The following STXBP5L variants were observed in gnomAD, a reference collection of about 807,000 sequenced individuals.
The protein encoded by STXBP5L is syntaxin binding protein 5L.
STXBP5L carries 65 observed loss-of-function variants against 144.5 expected under a neutral mutation model. The ratio of observed to expected loss-of-function variants is 0.45; its 90% CI spans 0.37 to 0.55. The LOEUF (loss-of-function observed/expected upper bound fraction) is 0.55. Ranked by LOEUF, STXBP5L falls within the 20% of genes least tolerant of loss-of-function variation. STXBP5L has a pLI of 0.00. For missense variants in STXBP5L, 1,298 were observed against 1,405.5 expected, an observed-to-expected ratio of 0.92 and a Z score of 1.22; for synonymous variants, 505 against 469.6, an observed-to-expected ratio of 1.08 and a Z score of -0.97.
intron 3 of STXBP5L, among the ~76,000 whole-genome samples, chr3:120,997,620 GGTT>G (rs755912282): frequency 4.9e-4 from 75 of 151,998 alleles, no homozygotes; most frequent in Non-Finnish European, 8.1e-4. Context: ...TTTTTAGTGG[GGTT>G]GTTTGTTTTT....
chr3:120,984,565 A>G (rs865785749), intron 3 of STXBP5L, among the ~76,000 whole-genome samples: 27 of 139,240 alleles, frequency 1.9e-4, no homozygotes, highest in South Asian at 9.0e-4. Flanking sequence ...GTAAGATCAT[A>G]TTATCTGCAA....
intron 5 of STXBP5L, among the ~76,000 whole-genome samples, chr3:121,100,887 G>A (rs111889742): frequency 6.9e-4 from 105 of 151,560 alleles, no homozygotes; most frequent in African/African-American, 2.3e-3. Context: ...ATCCAAATAA[G>A]CAATCAGAAG....
chr3:121,075,032 C>T (rs1210080780), intron 5 of STXBP5L, among the ~76,000 whole-genome samples: 4 of 152,166 alleles, frequency 2.6e-5, no homozygotes, highest in Admixed American at 2.6e-4. Context: ...GGCCCTCTAC[C>T]TCCATTGAGA....
intron 20 of STXBP5L, among the ~76,000 whole-genome samples, chr3:121,324,906 A>G (rs954795590): frequency 2.8e-4 from 43 of 152,170 alleles, no homozygotes; most frequent in African/African-American, 1.0e-3. Context: ...TACGGTCAAT[A>G]GAGAATTCAG....
chr3:121,358,886 A>T (rs962771604), intron 20 of STXBP5L, among the ~76,000 whole-genome samples: 1 of 152,232 alleles, frequency 6.6e-6, no homozygotes, highest in African/African-American at 2.4e-5. Flanking sequence ...TTATTTATTC[A>T]TGTATGGATG....
chr3:121,028,818 G>A (rs1378713393), intron 3 of STXBP5L, among the ~76,000 whole-genome samples: 1 of 151,898 alleles, frequency 6.6e-6, no homozygotes, highest in African/African-American at 2.4e-5. Context: ...TTCTGTTTTT[G>A]TACCACTTAA....
At chr3:121,017,989 G>A (rs1576673972) in intron 3 of STXBP5L, among the ~76,000 whole-genome samples, 2 of 152,158 alleles carry the variant, frequency 1.3e-5, no homozygotes, top group South Asian at 2.1e-4. Context: ...TGAGTTGAGA[G>A]GATCACTTGA....
intron 5 of STXBP5L, among the ~76,000 whole-genome samples, chr3:121,092,582 T>G (rs1045649725): frequency 6.6e-6 from 1 of 152,216 alleles, no homozygotes; most frequent in African/African-American, 2.4e-5. Context: ...TGTCTGTTAT[T>G]GGTGTATAAG....
At chr3:121,100,486 C>T (rs1321849209) in intron 5 of STXBP5L, among the ~76,000 whole-genome samples, 1 of 151,924 alleles carries the variant, frequency 6.6e-6, no homozygotes, top group Non-Finnish European at 1.5e-5. Context: ...AACTTGCTCC[C>T]GATTGACTTT....
chr3:121,239,238 A>G, intron 13 of STXBP5L, 120 bp downstream of exon 13: 1 of 529,884 alleles, frequency 1.9e-6, no homozygotes, highest in Non-Finnish European at 3.2e-6. Flanking sequence ...TTTTTAAGTT[A>G]TAAGCCAACA....
intron 20 of STXBP5L, among the ~76,000 whole-genome samples, chr3:121,334,227 C>T (rs1488191753): frequency 6.6e-6 from 1 of 152,082 alleles, no homozygotes; most frequent in East Asian, 1.9e-4. Context: ...TTGGGTATGT[C>T]TTTATCAGCA....
chr3:121,094,421 G>T (rs2043001282), intron 5 of STXBP5L, among the ~76,000 whole-genome samples: 1 of 152,006 alleles, frequency 6.6e-6, no homozygotes, highest in Non-Finnish European at 1.5e-5. Flanking sequence ...CTCTTTATAG[G>T]TCACTCAGGA....
At chr3:121,212,561 C>G (rs921012150) in intron 10 of STXBP5L, among the ~76,000 whole-genome samples, 3 of 152,020 alleles carry the variant, frequency 2.0e-5, no homozygotes, top group Non-Finnish European at 4.4e-5. Flanking sequence ...CGGTTCTGTT[C>G]CATTGGTCTG....
chr3:121,126,624 A>G (rs2044715240), intron 7 of STXBP5L, among the ~76,000 whole-genome samples: 1 of 152,234 alleles, frequency 6.6e-6, no homozygotes, highest in South Asian at 2.1e-4. Flanking sequence ...TGATAATTAC[A>G]TAATGATGAT....
chr3:121,257,047 G>A, intron 16 of STXBP5L, 114 bp from the exon 17 acceptor site: 1 of 783,728 alleles, frequency 1.3e-6, no homozygotes, highest in Admixed American at 2.8e-5. Context: ...CTGTGTGAAT[G>A]ATTCCTAAAA....
intron 18 of STXBP5L, among the ~76,000 whole-genome samples, chr3:121,261,560 A>G (rs1451797515): frequency 6.6e-6 from 1 of 152,172 alleles, no homozygotes; most frequent in Non-Finnish European, 1.5e-5. Flanking sequence ...AAAAGATAAC[A>G]TATCATAACC....
intron 5 of STXBP5L, among the ~76,000 whole-genome samples, chr3:121,095,347 G>A (rs934524347): frequency 7.2e-5 from 11 of 152,046 alleles, no homozygotes; most frequent in Non-Finnish European, 2.9e-5. Flanking sequence ...TTCTAGGTTG[G>A]GGAAGTTCTC....
At chr3:121,298,935 T>C (rs2051773525) in intron 19 of STXBP5L, among the ~76,000 whole-genome samples, 1 of 152,226 alleles carries the variant, frequency 6.6e-6, no homozygotes, top group African/African-American at 2.4e-5. Context: ...ATTGAATATA[T>C]GTGTTGATTA....
At chr3:121,248,957 A>G (rs1453224622) in intron 14 of STXBP5L, among the ~76,000 whole-genome samples, 2 of 152,084 alleles carry the variant, frequency 1.3e-5, no homozygotes, top group Non-Finnish European at 2.9e-5. Flanking sequence ...ACATGGTTGT[A>G]GGTGTGAGGC....
Sources: gnomAD v4.1 joint callset for allele counts (sites outside exome capture counted in the v4.1 genomes callset) on GRCh38, gnomAD v4.1.1 for gene constraint, MANE v1.5 for transcripts, NCBI Gene and HGNC (gene_info 2026-07-23, HGNC 2026-07-21) for gene names.